Variants in LRP6 observed in about 807,000 individuals in gnomAD.
LRP6 encodes the protein low-density lipoprotein receptor-related protein 6.
A neutral mutation model predicts 184.1 loss-of-function variants in LRP6; 43 were observed. That is an observed-to-expected ratio of 0.23 (90% CI 0.18 to 0.30). The LOEUF is 0.30. Among genes scored for constraint, LRP6 ranks in the 10% least tolerant of loss-of-function variants. The pLI, the probability that LRP6 is intolerant of heterozygous loss-of-function variation, is 1.00. For synonymous variants in LRP6, 719 were observed against 684.9 expected (o/e 1.05, Z -0.78); for missense variants, 1,571 against 2,005.3 (o/e 0.78, Z 4.14).
chr12:12,158,354 C>G (rs1301365804), intron 12 of LRP6, among the ~76,000 whole-genome samples: 1 of 151,958 alleles, frequency 6.6e-6, no homozygotes, highest in Non-Finnish European at 1.5e-5. Context: ...AAGAAAGAAT[C>G]TCTCTGTGTC....
intron 7 of LRP6, among the ~76,000 whole-genome samples, chr12:12,178,911 T>G (rs1863262949): frequency 6.6e-6 from 1 of 152,168 alleles, no homozygotes; most frequent in South Asian, 2.1e-4. Flanking sequence ...CTCTACAGAA[T>G]ACCTTTCCAA....
At chr12:12,178,889 G>A (rs78493894) in intron 7 of LRP6, among the ~76,000 whole-genome samples, 245 of 152,226 alleles carry the variant, frequency 1.6e-3, no homozygotes, top group African/African-American at 5.7e-3. Flanking sequence ...TATTCCCTCA[G>A]GGTCATGGGC....
intron 5 of LRP6, among the ~76,000 whole-genome samples, chr12:12,183,505 C>A (rs772997899): frequency 2.6e-5 from 4 of 151,844 alleles, no homozygotes; most frequent in African/African-American, 7.3e-5. Context: ...ATTTTTTTTC[C>A]CAGCTCTGAA....
At chr12:12,253,425 CTT>C (rs897669372) in intron 1 of LRP6, among the ~76,000 whole-genome samples, 2 of 151,046 alleles carry the variant, frequency 1.3e-5, no homozygotes, top group Admixed American at 1.3e-4. Flanking sequence ...CACTTTTTTT[CTT>C]TTTTTTTATT....
rs1199555159 is a variant in LRP6 at position 12,197,403 on chromosome 12, C to G, written c.647+5800G>C. On this transcript the variant is annotated intron_variant, in intron 3 of 22. Coordinates refer to ENST00000261349, the MANE Select transcript of LRP6 (RefSeq NM_002336.3). ...ACAATTTGGGTGCTACAGAAGTTCA[C>G]TGCACACAGCACTGTAAATGTTCAA... Among the ~76,000 whole-genome samples, 2 of 152,208 alleles carry G rather than the reference C, an allele frequency of 1.3e-5. 1 individual carries two copies. The highest frequency in any genetic ancestry group is 1.3e-4 in the Admixed American group (2 of 15,286).
At chr12:12,166,357 G>A (rs1305161602) in intron 7 of LRP6, among the ~76,000 whole-genome samples, 1 of 152,094 alleles carries the variant, frequency 6.6e-6, no homozygotes, top group African/African-American at 2.4e-5. Flanking sequence ...CATCTAAAAG[G>A]TCATATACTT....
chr12:12,180,291 TTC>T (rs1195622990), intron 6 of LRP6, among the ~76,000 whole-genome samples: 1 of 151,114 alleles, frequency 6.6e-6, no homozygotes, highest in East Asian at 1.9e-4. Flanking sequence ...TCCATGAACT[TTC>T]TCTCTCTTTT....
intron 18 of LRP6, among the ~76,000 whole-genome samples, chr12:12,131,198 C>T: frequency 6.8e-6 from 1 of 147,370 alleles, no homozygotes; most frequent in Non-Finnish European, 1.5e-5. Context: ...AGCTCTGCTT[C>T]CCAGGTTCAC....
intron 3 of LRP6, among the ~76,000 whole-genome samples, chr12:12,198,844 T>C (rs777181642): frequency 5.3e-5 from 8 of 152,158 alleles, no homozygotes; most frequent in Non-Finnish European, 1.2e-4. Context: ...TCTAATCTTA[T>C]GTTATCCTTT....
At chr12:12,257,538 G>A (rs1284007918) in intron 1 of LRP6, among the ~76,000 whole-genome samples, 1 of 138,718 alleles carries the variant, frequency 7.2e-6, no homozygotes, top group Admixed American at 7.7e-5. Context: ...CCGAGATCAC[G>A]CCACTGCACT....
chr12:12,243,777 G>GTC (rs1454596131), intron 2 of LRP6, among the ~76,000 whole-genome samples: 1 of 152,158 alleles, frequency 6.6e-6, no homozygotes, highest in African/African-American at 2.4e-5. Context: ...TTGAGACAAA[G>GTC]TCTCACTCTG....
intron 10 of LRP6, among the ~76,000 whole-genome samples, chr12:12,161,071 T>C (rs1451505748): frequency 3.3e-5 from 5 of 152,336 alleles, no homozygotes; most frequent in East Asian, 1.9e-4. Flanking sequence ...GAGAGAAATT[T>C]CATACTTGCC....
chr12:12,253,204 T>C (rs1460299528), intron 1 of LRP6, among the ~76,000 whole-genome samples: 2 of 152,190 alleles, frequency 1.3e-5, no homozygotes, highest in Non-Finnish European at 2.9e-5. Flanking sequence ...GCAGAGGTTG[T>C]GGTGGGCCAA....
At chr12:12,235,726 G>A (rs1488079108) in intron 2 of LRP6, among the ~76,000 whole-genome samples, 15 of 150,764 alleles carry the variant, frequency 9.9e-5, no homozygotes, top group African/African-American at 2.4e-4. Flanking sequence ...ACAAAACTCC[G>A]GCTCAAAAAA....
At chr12:12,164,980 T>C in intron 8 of LRP6, 99 bp downstream of exon 8, 1 of 674,736 alleles carries the variant, frequency 1.5e-6, no homozygotes, top group Non-Finnish European at 2.5e-6. Flanking sequence ...AAAGAAGGTT[T>C]CAAAATTGCC....
chr12:12,238,238 G>C (rs939622940), intron 2 of LRP6, among the ~76,000 whole-genome samples: 59 of 144,288 alleles, frequency 4.1e-4, no homozygotes, highest in African/African-American at 1.4e-3. Context: ...AAAAAAAACA[G>C]AAAGTGGCTC....
chr12:12,168,770 G>A (rs897347456), intron 7 of LRP6, among the ~76,000 whole-genome samples: 2 of 152,076 alleles, frequency 1.3e-5, no homozygotes, highest in African/African-American at 2.4e-5. Flanking sequence ...GGCAAGAGAG[G>A]TCCAAAATCC....
At position 12,177,136 on chromosome 12, in the gene LRP6, G is replaced by A. The variant is rs371816297; in HGVS notation, c.1545+2674C>T. Reference sequence around the variant, plus strand: ...ACTGGGATTACAGGTGTGAGCCACCGCGCCCGGCCAACCAAACAGACTCTT... The same window carrying A: ...ACTGGGATTACAGGTGTGAGCCACCACGCCCGGCCAACCAAACAGACTCTT... On this transcript the variant is annotated intron_variant, in intron 7 of 22. Coordinates refer to ENST00000261349, the MANE Select transcript of LRP6 (RefSeq NM_002336.3). Among the ~76,000 whole-genome samples the A allele has an allele frequency of 3.8e-3, 572 of 152,102 alleles. 1 individual carries two copies. Among genetic ancestry groups the A allele is most frequent in the African/African-American group, 0.013 (534 of 41,476 alleles).
chr12:12,225,945 T>C (rs921472351), intron 2 of LRP6, among the ~76,000 whole-genome samples: 2 of 151,344 alleles, frequency 1.3e-5, no homozygotes, highest in African/African-American at 4.9e-5. Context: ...CTTGTAAAGC[T>C]ATAGTACTGG....
Sources: gnomAD v4.1 joint callset for allele counts (sites outside exome capture counted in the v4.1 genomes callset) on GRCh38, gnomAD v4.1.1 for gene constraint, MANE v1.5 for transcripts, NCBI Gene and HGNC (gene_info 2026-07-23, HGNC 2026-07-21) for gene names.